The following CCDC43 variants were observed in gnomAD, a reference collection of about 807,000 sequenced individuals.
CCDC43 encodes the protein coiled-coil domain-containing protein 43.
A neutral mutation model predicts 33.3 loss-of-function variants in CCDC43; 20 were observed. That is an observed-to-expected ratio of 0.60 (90% CI 0.42 to 0.87). The LOEUF (loss-of-function observed/expected upper bound fraction) is 0.87, where lower values mean the gene tolerates loss of function less well. Ranked by LOEUF, CCDC43 falls within the 40% of genes least tolerant of loss-of-function variation. CCDC43 has a pLI of 0.00. For synonymous variants in CCDC43, 104 were observed against 106.5 expected, an observed-to-expected ratio of 0.98 and a Z score of 0.14; for missense variants, 248 against 269.9, an observed-to-expected ratio of 0.92 and a Z score of 0.57.
chr17:44,683,854 C>A lies in CCDC43; in HGVS notation c.292+18G>T, dbSNP rs1464484198. On this transcript the variant is annotated intron_variant, in intron 2 of 4. Coordinates refer to ENST00000315286, the MANE Select transcript of CCDC43 (RefSeq NM_144609.3). ...TGGAAAAGGCTCAGGAAGTTAAACA[C>A]AGAAACTCTGACTCTACCTTCTTTT... 1 of 1,579,244 alleles carries A rather than the reference C, an allele frequency of 6.3e-7. No homozygotes were observed. Among genetic ancestry groups the A allele is most frequent in the Non-Finnish European group, 8.7e-7 (1 of 1,148,576 alleles).
intron 1 of CCDC43, among the ~76,000 whole-genome samples, chr17:44,687,135 T>A (rs543457957): frequency 3.4e-4 from 50 of 148,026 alleles, no homozygotes; most frequent in East Asian, 5.9e-4. Flanking sequence ...CAAAAAAAAA[T>A]TTTTTTTTTT....
In CCDC43 at chr17:44,689,542, C is replaced by T; in HGVS notation, c.204+8G>A. 6.2e-7 allele frequency: 1 copy of T among 1,613,930 alleles called. No individual in the cohort carries two copies. Among genetic ancestry groups the T allele is most frequent in the South Asian group, 1.1e-5 (1 of 91,084 alleles). On this transcript the variant is annotated splice_region_variant and intron_variant, in intron 1 of 4. Transcript: ENST00000315286. Reference sequence around the variant, plus strand: ...CAGAGGCTGAAGGAATGTGTCCAGGCTACTCACCAGGAAAGCAGAGAGGAT... The same window carrying T: ...CAGAGGCTGAAGGAATGTGTCCAGGTTACTCACCAGGAAAGCAGAGAGGAT...
intron 3 of CCDC43, among the ~76,000 whole-genome samples, chr17:44,681,135 G>T (rs897263214): frequency 6.6e-6 from 1 of 151,750 alleles, no homozygotes; most frequent in African/African-American, 2.4e-5. Context: ...AAGAAAACTC[G>T]TAAAAAAAAA....
chr17:44,684,117 A>G (rs553980550), intron 1 of CCDC43, among the ~76,000 whole-genome samples, 158 bp from the exon 2 acceptor site: 4 of 152,156 alleles, frequency 2.6e-5, no homozygotes, highest in African/African-American at 2.4e-5. Flanking sequence ...GAGGCTCTGG[A>G]CACAGAATTG....
intron 3 of CCDC43, 139 bp downstream of exon 3, chr17:44,681,864 G>A (rs1972167818): frequency 1.1e-6 from 1 of 915,792 alleles, no homozygotes; most frequent in Non-Finnish European, 1.7e-6. Context: ...TATCCACAAA[G>A]GGCCATAGAT....
intron 1 of CCDC43, among the ~76,000 whole-genome samples, chr17:44,686,740 T>C (rs1396529513): frequency 6.6e-6 from 1 of 152,228 alleles, no homozygotes; most frequent in Non-Finnish European, 1.5e-5. Flanking sequence ...TGCTTTTCCA[T>C]GCTAGAATGT....
At chr17:44,687,535 G>T (rs547944795) in intron 1 of CCDC43, 1 of 152,066 alleles carries the variant, frequency 6.6e-6, no homozygotes, top group South Asian at 2.1e-4. Context: ...GATGAGAGGG[G>T]ATTGCTTGAG....
intron 2 of CCDC43, among the ~76,000 whole-genome samples, chr17:44,682,862 A>G (rs1459751299): frequency 1.3e-5 from 2 of 152,202 alleles, no homozygotes; most frequent in Non-Finnish European, 2.9e-5. Context: ...GTCTCAAAAA[A>G]AAAAATATTT....
chr17:44,679,893 CA>C (rs1223323911), intron 4 of CCDC43, among the ~76,000 whole-genome samples: 1 of 147,304 alleles, frequency 6.8e-6, no homozygotes, highest in Non-Finnish European at 1.5e-5. Context: ...GACTCTGTCC[CA>C]AAAAAAAGAA....
chr17:44,686,374 A>G (rs532592320), intron 1 of CCDC43, among the ~76,000 whole-genome samples: 16 of 152,338 alleles, frequency 1.1e-4, no homozygotes, highest in East Asian at 3.9e-4. Context: ...CAGAGTTTCA[A>G]TAGTTCATGG....
In CCDC43 at chr17:44,689,541, G is replaced by A; in HGVS notation, c.204+9C>T. 1.9e-6 allele frequency: 3 copies of A among 1,613,922 alleles called. No individual in the cohort carries two copies. Among genetic ancestry groups the A allele is most frequent in the Non-Finnish European group, 2.5e-6 (3 of 1,179,840 alleles). On this transcript the variant is annotated intron_variant, in intron 1 of 4. Coordinates refer to ENST00000315286, the MANE Select transcript of CCDC43 (RefSeq NM_144609.3). The stretch of plus-strand genomic sequence containing the variant: ...CCAGAGGCTGAAGGAATGTGTCCAG[G>A]CTACTCACCAGGAAAGCAGAGAGGA...
In CCDC43 at chr17:44,678,289, T is replaced by C. The variant is rs1972105332; in HGVS notation, c.*567A>G. 1 of 144,506 alleles carries C rather than the reference T, an allele frequency of 6.9e-6. No individual in the cohort carries two copies. Among genetic ancestry groups the C allele is most frequent in the African/African-American group, 2.6e-5 (1 of 38,546 alleles). The allele number at this position is 144,506 out of a possible 1,614,324, so 9.0% of individuals were successfully genotyped here. On this transcript the variant is annotated 3_prime_UTR_variant, in exon 5 of 5. Transcript: ENST00000315286. Reference sequence around the variant, plus strand: ...CTTTTCCTCCCACAGGCTGAAACTTTCAAAAAAAAAAAAAAAATCAGATCT... The same window carrying C: ...CTTTTCCTCCCACAGGCTGAAACTTCCAAAAAAAAAAAAAAAATCAGATCT...
intron 3 of CCDC43, 110 bp downstream of exon 3, chr17:44,681,893 G>A: frequency 7.4e-7 from 1 of 1,345,898 alleles, no homozygotes. Context: ...TTTTAGAGGG[G>A]AAAATTAAGC....
chr17:44,689,659 G>A lies in CCDC43; in HGVS notation c.95C>T (p.Ala32Val). The A allele has an allele frequency of 1.2e-6, 2 of 1,613,512 alleles. No homozygotes were observed. Among genetic ancestry groups the A allele is most frequent in the Non-Finnish European group, 1.7e-6 (2 of 1,179,724 alleles). ...FGSWLDGRLE[A>V]LGVDRAVYGA... is the part of the protein sequence containing the mutation. ...ATAAACGGCTCGGTCCACTCCCAGT[G>A]CCTCCAACCGTCCGTCCAGCCAGGA... The change falls in exon 1 of 5, where the codon GCA becomes GTA. Residue 32 changes from alanine to valine, a missense_variant. Physicochemically the swap from Ala to Val is moderately conservative, Grantham distance 64. Coordinates refer to ENST00000315286, the MANE Select transcript of CCDC43 (RefSeq NM_144609.3).
chr17:44,687,348 A>G (rs1972253482), intron 1 of CCDC43, among the ~76,000 whole-genome samples: 1 of 152,076 alleles, frequency 6.6e-6, no homozygotes, highest in South Asian at 2.1e-4. Flanking sequence ...GAGGCTGAGA[A>G]TCACCTGAAC....
At chr17:44,683,018 C>T (rs1342705399) in intron 2 of CCDC43, among the ~76,000 whole-genome samples, 1 of 152,144 alleles carries the variant, frequency 6.6e-6, no homozygotes, top group Non-Finnish European at 1.5e-5. Flanking sequence ...TGGGCCCCAA[C>T]CCAGGTACAT....
intron 4 of CCDC43, 35 bp downstream of exon 4, chr17:44,680,550 T>G: frequency 5.3e-6 from 8 of 1,509,664 alleles, no homozygotes; most frequent in South Asian, 1.1e-5. Flanking sequence ...GAGGACTCTA[T>G]GGAGAAACAC....
At position 44,678,964 on chromosome 17, in the gene CCDC43, T is replaced by C. The variant is rs763438628; in HGVS notation, c.567A>G (p.Gln189=). ...GCAGCTTGTCCTGTTCCTTCTTCCT[T>C]TGGGATTCATCCCGAAGTGAGTCTC... ...LERDSLRDES[Q]RKKEQDKLQR... Residue 189 remains glutamine, a synonymous_variant, in exon 5 of 5, where the codon CAA becomes CAG. Transcript: ENST00000315286. 2 of 1,613,802 alleles carry C rather than the reference T, an allele frequency of 1.2e-6. No individual in the cohort carries two copies. Among genetic ancestry groups the C allele is most frequent in the African/African-American group, 2.7e-5 (2 of 74,892 alleles).
chr17:44,683,784 G>GA lies in CCDC43; in HGVS notation c.292+87dup, dbSNP rs879781807. 5 of 891,788 alleles carry GA rather than the reference G, an allele frequency of 5.6e-6. No individual in the cohort carries two copies. The Admixed American group carries it at 1.1e-4, about 19-fold the overall frequency. The allele number at this position is 891,788 out of a possible 1,614,324, so 55.2% of individuals were successfully genotyped here. On this transcript the variant is annotated intron_variant, in intron 2 of 4. Transcript: ENST00000315286. The stretch of plus-strand genomic sequence containing the variant: ...CTTCGGGAAAATGAGCATCCAAGGG[G>GA]AAAATGAAAAGATCTCTTCCTAACA...
Sources: gnomAD v4.1 joint callset for allele counts (sites outside exome capture counted in the v4.1 genomes callset) on GRCh38, gnomAD v4.1.1 for gene constraint, MANE v1.5 for transcripts, NCBI Gene and HGNC (gene_info 2026-07-23, HGNC 2026-07-21) for gene names.